The following KMT2C variants were observed in gnomAD, a reference collection of about 807,000 sequenced individuals.
The protein encoded by KMT2C is lysine methyltransferase 2C, also known as histone-lysine N-methyltransferase 2C.
Under a neutral mutation model 507.9 loss-of-function variants are expected in KMT2C, and 88 were observed. The observed-to-expected ratio is 0.17, with a 90% confidence interval of 0.15 to 0.21. The LOEUF (loss-of-function observed/expected upper bound fraction) is 0.21, where lower values mean the gene tolerates loss of function less well. Ranked by LOEUF, KMT2C falls within the 10% of genes least tolerant of loss-of-function variation. The probability of loss-of-function intolerance (pLI) is 1.00; values close to 1 mark genes in which losing one functional copy is unlikely to be tolerated. For missense variants in KMT2C, 4,954 were observed against 5,957.8 expected, an observed-to-expected ratio of 0.83 and a Z score of 5.55; for synonymous variants, 2,049 against 2,080.8, an observed-to-expected ratio of 0.98 and a Z score of 0.42.
At chr7:152,230,136 G>C in intron 17 of KMT2C, 84 bp downstream of exon 17, 1 of 1,033,148 alleles carries the variant, frequency 9.7e-7, no homozygotes, top group Non-Finnish European at 1.5e-6. Context: ...GCTAAATATT[G>C]AATGACTTCT....
intron 2 of KMT2C, among the ~76,000 whole-genome samples, chr7:152,356,894 AAAG>A (rs958443593): frequency 1.4e-3 from 100 of 72,180 alleles, no homozygotes; most frequent in African/African-American, 4.5e-3. Flanking sequence ...TCCAACTCAA[AAAG>A]AATAATAATA....
chr7:152,339,809 TTA>T (rs1467238321), intron 2 of KMT2C, among the ~76,000 whole-genome samples: 1 of 152,098 alleles, frequency 6.6e-6, no homozygotes, highest in African/African-American at 2.4e-5. Flanking sequence ...TTAATTAATA[TTA>T]TATAATATAA....
Position 152,251,915 on chromosome 7 carries a change from AAAAAAAATCATTCTC to A in KMT2C, c.1621+9_1621+23del. The A allele has an allele frequency of 6.4e-7, 1 of 1,553,072 alleles. No homozygotes were observed. Among genetic ancestry groups the A allele is most frequent in the Non-Finnish European group, 8.7e-7 (1 of 1,148,764 alleles). ...CAACATTACAAAAACAAAAAATTTA[AAAAAAAATCATTCTC>A]AAATTTACCTGTAGTGAGCTCAGCT... On this transcript the variant is annotated intron_variant, in intron 11 of 58. Coordinates refer to ENST00000262189, the MANE Select transcript of KMT2C (RefSeq NM_170606.3).
intron 1 of KMT2C, among the ~76,000 whole-genome samples, chr7:152,389,647 C>T (rs1306096996): frequency 3.3e-5 from 5 of 151,936 alleles, no homozygotes; most frequent in Non-Finnish European, 7.4e-5. Flanking sequence ...CACTATGTTA[C>T]TCAGGCTGGT....
chr7:152,258,554 T>C (rs2095702501), intron 9 of KMT2C, among the ~76,000 whole-genome samples: 1 of 152,098 alleles, frequency 6.6e-6, no homozygotes, highest in Non-Finnish European at 1.5e-5. Flanking sequence ...AGACAGAGTC[T>C]ATCTCTGTCA....
intron 2 of KMT2C, among the ~76,000 whole-genome samples, chr7:152,340,148 A>G (rs368967772): frequency 7.8e-6 from 1 of 127,646 alleles, no homozygotes; most frequent in South Asian, 2.6e-4. Flanking sequence ...TCACGCCTGG[A>G]TTTTTTTTTT....
At position 152,181,432 on chromosome 7, in the gene KMT2C, T is replaced by C. The variant is rs754071039; in HGVS notation, c.6428A>G (p.Asp2143Gly). ...QPPGTPRPVV[D>G]SYSQSSGTAR... ...TGTTCCTGAAGATTGGGAATAAGAA[T>C]CTACAACAGGTCGTGGAGTTCCTGG... The change falls in exon 36 of 59, where the codon GAT becomes GGT. Residue 2143 changes from aspartate to glycine, a missense_variant. Physicochemically the swap from Asp to Gly is moderately conservative, Grantham distance 94 (BLOSUM62 -1). This residue lies in a region of KMT2C where 1,689 missense variants were observed against 1,654.3 expected (regional missense o/e 1.02). Transcript: ENST00000262189. The C allele has an allele frequency of 6.2e-7, 1 of 1,613,666 alleles. No individual in the cohort carries two copies. Among genetic ancestry groups the C allele is most frequent in the African/African-American group, 1.3e-5 (1 of 74,818 alleles).
At chr7:152,282,372 A>C (rs1465568632) in intron 6 of KMT2C, among the ~76,000 whole-genome samples, 2 of 152,186 alleles carry the variant, frequency 1.3e-5, no homozygotes, top group Non-Finnish European at 2.9e-5. Context: ...CTCAGTGTCA[A>C]CCAAAAGAAA....
In KMT2C at chr7:152,220,749, A is replaced by T. The variant is rs774298530; in HGVS notation, c.3500-14T>A. On this transcript the variant is annotated splice_polypyrimidine_tract_variant and intron_variant, in intron 22 of 58. Coordinates refer to ENST00000262189, the MANE Select transcript of KMT2C (RefSeq NM_170606.3). The stretch of plus-strand genomic sequence containing the variant: ...TCTTGGGTGGGTCTAAAATTACAAA[A>T]TCCCAAGGATACAAATTTAAACTTT... The T allele has an allele frequency of 1.9e-6, 3 of 1,567,358 alleles. No homozygotes were observed. The highest frequency in any genetic ancestry group is 2.2e-5 in the South Asian group (2 of 89,702).
intron 7 of KMT2C, among the ~76,000 whole-genome samples, chr7:152,266,294 G>A (rs1049433465): frequency 6.7e-6 from 1 of 150,352 alleles, no homozygotes; most frequent in Non-Finnish European, 1.5e-5. Flanking sequence ...ACCTAGGCTA[G>A]AGTGCAATGG....
chr7:152,358,404 G>C (rs1589425027), intron 2 of KMT2C, among the ~76,000 whole-genome samples, 183 bp downstream of exon 2: 1 of 152,264 alleles, frequency 6.6e-6, no homozygotes, highest in East Asian at 1.9e-4. Context: ...GGAAAAAAGA[G>C]AGATAGAGGG....
intron 1 of KMT2C, among the ~76,000 whole-genome samples, chr7:152,410,888 C>A (rs373676928): frequency 2.0e-5 from 3 of 151,678 alleles, no homozygotes; most frequent in African/African-American, 7.3e-5. Flanking sequence ...CCCACGGCCC[C>A]AGCTACTTGG....
At chr7:152,381,965 C>T (rs2097378124) in intron 1 of KMT2C, among the ~76,000 whole-genome samples, 1 of 152,160 alleles carries the variant, frequency 6.6e-6, no homozygotes, top group South Asian at 2.1e-4. Context: ...TCCTTCCCTC[C>T]CAAGCTATCC....
Position 152,195,920 on chromosome 7 carries a change from T to G in KMT2C, c.4365A>C (p.Ser1455=). ...ATTCATATATACCTGAATGATCAAC[T>G]GATTTTGCTAGATCATCTGAAATTA... ...LGIISDDLAK[S]VDHSDIGPVT... The change falls in exon 28 of 59, where the codon TCA becomes TCC. Residue 1455 remains serine (S), a synonymous_variant. Coordinates refer to ENST00000262189, the MANE Select transcript of KMT2C (RefSeq NM_170606.3). 4 of 1,590,278 alleles carry G rather than the reference T, an allele frequency of 2.5e-6. No homozygotes were observed. The highest frequency in any genetic ancestry group is 3.4e-6 in the Non-Finnish European group (4 of 1,160,546).
At chr7:152,256,235 T>C (rs182279156) in intron 9 of KMT2C, among the ~76,000 whole-genome samples, 31 of 151,966 alleles carry the variant, frequency 2.0e-4, no homozygotes, top group African/African-American at 7.2e-4. Context: ...ATACCCTCAG[T>C]GTAGGGAAAG....
intron 3 of KMT2C, among the ~76,000 whole-genome samples, chr7:152,322,955 C>G (rs2096785481): frequency 6.6e-6 from 1 of 151,896 alleles, no homozygotes; most frequent in Non-Finnish European, 1.5e-5. Context: ...AAAATTAAAA[C>G]AAGTATATAT....
rs1232390456 is a variant in KMT2C at position 152,311,916 on chromosome 7, A to C, written c.621T>G (p.Ser207=). The change falls in exon 5 of 59, where the codon TCT becomes TCG. Residue 207 remains serine (S), a synonymous_variant. Transcript: ENST00000262189. ...KERSPQQNIV[S]CVSVSTQTAS... is the part of the protein sequence containing the mutation. ...CTGTCTGGGTGCTTACACTTACACA[A>C]GATACTATATTCTGCTGAGGAGATC... is the stretch of plus-strand genomic sequence containing the variant. 6.2e-7 allele frequency: 1 copy of C among 1,609,084 alleles called. No individual in the cohort carries two copies. The highest frequency in any genetic ancestry group is 1.7e-5 in the Admixed American group (1 of 59,924).
At position 152,357,306 on chromosome 7, in the gene KMT2C, T is replaced by C. The variant is rs554602761; in HGVS notation, c.250+1281A>G. On this transcript the variant is annotated intron_variant, in intron 2 of 58. Coordinates refer to ENST00000262189, the MANE Select transcript of KMT2C (RefSeq NM_170606.3). ...TTGGGAGGCTGAGGTGAGCGGATTA[T>C]GAGGTCAGGAGATTGAGACCATCCT... Among the ~76,000 whole-genome samples, 239 of 152,210 alleles carry C rather than the reference T, an allele frequency of 1.6e-3. 1 individual carries two copies. Among genetic ancestry groups the C allele is most frequent in the Non-Finnish European group, 2.0e-3 (135 of 68,006 alleles).
At position 152,144,596 on chromosome 7, in the gene KMT2C, A is replaced by G; in HGVS notation, c.14343+117T>C. 9.9e-7 allele frequency: 1 copy of G among 1,010,656 alleles called. No individual in the cohort carries two copies. The highest frequency in any genetic ancestry group is 1.5e-6 in the Non-Finnish European group (1 of 675,822). The allele number at this position is 1,010,656 out of a possible 1,614,324, so 62.6% of individuals were successfully genotyped here. On this transcript the variant is annotated intron_variant, in intron 55 of 58. Transcript: ENST00000262189. This position sits in a 1 kb window ranked among gnomAD's most constrained non-coding sequence, Gnocchi z 4.4. ...GACAGGATTTGATACGATTTTGAAA[A>G]CACGTTTCTGTCCCTGCAGCTATGT...
Sources: gnomAD v4.1 joint callset for allele counts (sites outside exome capture counted in the v4.1 genomes callset) on GRCh38, gnomAD v4.1.1 for gene constraint, gnomAD v4.1.1 regional missense constraint, Gnocchi (gnomAD v3.1) non-coding constraint, MANE v1.5 for transcripts, NCBI Gene and HGNC (gene_info 2026-07-23, HGNC 2026-07-21) for gene names.